CEBPZ: variants seen among roughly 807,000 people sequenced by gnomAD.
CEBPZ encodes the protein CCAAT enhancer binding protein zeta, also known as CCAAT/enhancer-binding protein zeta.
CEBPZ carries 78 observed loss-of-function variants against 104.5 expected under a neutral mutation model. The observed-to-expected ratio is 0.75, with a 90% CI of 0.62 to 0.90. The LOEUF (loss-of-function observed/expected upper bound fraction) is 0.90, where lower values mean the gene tolerates loss of function less well. CEBPZ is among the 40% of genes least tolerant of loss of function. The pLI is 0.00. For missense variants in CEBPZ, 1,439 were observed against 1,233.5 expected, an observed-to-expected ratio of 1.17 and a Z score of -2.50; for synonymous variants, 470 against 427.0, an observed-to-expected ratio of 1.10 and a Z score of -1.24.
intron 1 of CEBPZ, among the ~76,000 whole-genome samples, chr2:37,229,662 AT>A (rs1664985968): frequency 6.6e-6 from 1 of 152,172 alleles, no homozygotes; most frequent in Non-Finnish European, 1.5e-5. Context: ...AATCACAACT[AT>A]TTAATACAAG....
Position 37,201,636 on chromosome 2 carries a change from T to C in CEBPZ, c.*128A>G. The C allele has an allele frequency of 5.6e-6, 4 of 714,730 alleles. No homozygotes were observed. The South Asian group carries it at 6.5e-5, about 12-fold the overall frequency. 44.3% of individuals were successfully genotyped at this position (714,730 alleles called of 1,614,324 possible). A position where few individuals can be genotyped will look rare whatever the true frequency, so the allele number is the denominator to read the frequency against. On this transcript the variant is annotated 3_prime_UTR_variant, in exon 16 of 16. Coordinates refer to ENST00000234170, the MANE Select transcript of CEBPZ (RefSeq NM_005760.3). ...CTTTATAAATGAGAGCTATTTTTAT[T>C]TATAGTTTATTACAAATCCACTGAG...
At position 37,223,398 on chromosome 2, in the gene CEBPZ, C is replaced by T. The variant is rs1664813748; in HGVS notation, c.1653G>A (p.Lys551=). The part of the protein sequence containing the change: ...SDRYYTALYR[K]MLDPGLMTCS... ...ACGTCATCAACCCTGGATCCAACAT[C>T]TTCCTGCAAAACAAAACCAAGGTCA... Residue 551 remains lysine, a synonymous_variant, in exon 3 of 16, where the codon AAG becomes AAA. Transcript: ENST00000234170. 1 of 1,613,338 alleles carries T rather than the reference C, an allele frequency of 6.2e-7. No homozygotes were observed. The highest frequency in any genetic ancestry group is 8.5e-7 in the Non-Finnish European group (1 of 1,179,498).
chr2:37,201,817 A>G lies in CEBPZ; in HGVS notation c.3112T>C (p.Phe1038Leu), dbSNP rs568781872. The G allele has an allele frequency of 3.8e-6, 6 of 1,594,012 alleles. No homozygotes were observed. In the East Asian group the frequency reaches 8.9e-5, roughly 24 times the overall value. ...GTGGTTTTAATCCTCTTCTTTTTAAAATGTTTCTTTTTCTTGATGATACTT... is the reference window on the plus strand; with the variant it reads ...GTGGTTTTAATCCTCTTCTTTTTAAGATGTTTCTTTTTCTTGATGATACTT... The part of the protein sequence containing the change: ...AKSIIKKKKH[F>L]KKKRIKTTQK... The change falls in exon 16 of 16, where the codon TTT (phenylalanine) becomes CTT (leucine). Residue 1038 changes from phenylalanine to leucine, a missense_variant. Transcript: ENST00000234170.
intron 12 of CEBPZ, 53 bp downstream of exon 12, chr2:37,211,790 G>T: frequency 7.4e-7 from 1 of 1,349,508 alleles, no homozygotes. Context: ...ACAAACTTAA[G>T]GCTAAGGAAG....
At chr2:37,220,816 C>T (rs910045317) in intron 4 of CEBPZ, among the ~76,000 whole-genome samples, 1 of 151,862 alleles carries the variant, frequency 6.6e-6, no homozygotes, top group African/African-American at 2.4e-5. Context: ...AATGGTGAAA[C>T]CCCATCTCTT....
At chr2:37,207,191 A>G (rs1046835161) in intron 13 of CEBPZ, among the ~76,000 whole-genome samples, 4 of 152,214 alleles carry the variant, frequency 2.6e-5, no homozygotes, top group African/African-American at 9.6e-5. Flanking sequence ...ACAGATGGCA[A>G]CACAATAATA....
intron 2 of CEBPZ, among the ~76,000 whole-genome samples, chr2:37,226,792 TTGC>T (rs1487140523): frequency 6.6e-6 from 1 of 152,190 alleles, no homozygotes; most frequent in Non-Finnish European, 1.5e-5. Flanking sequence ...TTGAACACAG[TTGC>T]TATGTTCGAC....
chr2:37,227,126 G>A (rs1004269813), intron 2 of CEBPZ, among the ~76,000 whole-genome samples: 1 of 152,200 alleles, frequency 6.6e-6, no homozygotes, highest in African/African-American at 2.4e-5. Context: ...CTGTGTGAAT[G>A]CATTCAACTG....
chr2:37,213,853 A>G lies in CEBPZ; in HGVS notation c.2545+11T>C, dbSNP rs1286864591. 6.3e-7 allele frequency: 1 copy of G among 1,575,070 alleles called. No homozygotes were observed. The highest frequency in any genetic ancestry group is 2.3e-5 in the East Asian group (1 of 43,968). On this transcript the variant is annotated intron_variant, in intron 10 of 15. Transcript: ENST00000234170. Reference sequence around the variant, plus strand: ...TAGATTATTTTACAAAGAGTCAACAAAACAAATTACCAATCAGCTCTTCAA... The same window carrying G: ...TAGATTATTTTACAAAGAGTCAACAGAACAAATTACCAATCAGCTCTTCAA...
At chr2:37,227,350 G>C (rs892629633) in intron 2 of CEBPZ, among the ~76,000 whole-genome samples, 194 bp downstream of exon 2, 1 of 152,126 alleles carries the variant, frequency 6.6e-6, no homozygotes, top group African/African-American at 2.4e-5. Flanking sequence ...TGTATTCAAA[G>C]CATCTAATAT....
chr2:37,213,798 A>T, intron 10 of CEBPZ, 66 bp downstream of exon 10: 4 of 1,048,476 alleles, frequency 3.8e-6, no homozygotes, highest in Non-Finnish European at 4.2e-6. Context: ...TTCTCCCACT[A>T]ATGTTCCATG....
At chr2:37,220,121 A>G (rs1664733904) in intron 5 of CEBPZ, among the ~76,000 whole-genome samples, 1 of 151,956 alleles carries the variant, frequency 6.6e-6, no homozygotes, top group African/African-American at 2.4e-5. Flanking sequence ...GATCAAGACC[A>G]TCCTGGCCAA....
rs1665114643 is a variant in CEBPZ at position 37,231,572 on chromosome 2, G to A, written c.-5C>T. ...AGGCTCCTTGACTGCGGCCATGGCGGGCAAAGCATACGCGCGTGAAACTCA... is the reference window on the plus strand; with the variant it reads ...AGGCTCCTTGACTGCGGCCATGGCGAGCAAAGCATACGCGCGTGAAACTCA... On this transcript the variant is annotated 5_prime_UTR_variant, in exon 1 of 16. Transcript: ENST00000234170. 3 of 1,614,230 alleles carry A rather than the reference G, an allele frequency of 1.9e-6. No individual in the cohort carries two copies. Among genetic ancestry groups the A allele is most frequent in the Non-Finnish European group, 2.5e-6 (3 of 1,180,044 alleles).
At chr2:37,202,194 A>C in intron 15 of CEBPZ, 14 of 219,368 alleles carry the variant, frequency 6.4e-5, no homozygotes, top group Middle Eastern at 1.4e-3. Flanking sequence ...AATATGTAAA[A>C]ACGGCCCACT....
intron 2 of CEBPZ, among the ~76,000 whole-genome samples, chr2:37,225,068 A>T (rs201950945): frequency 2.6e-4 from 38 of 146,702 alleles, no homozygotes; most frequent in South Asian, 6.4e-4. Context: ...ACAAACAAAC[A>T]AACTAACAAA....
intron 2 of CEBPZ, among the ~76,000 whole-genome samples, chr2:37,226,679 G>A (rs1009201922): frequency 3.9e-5 from 6 of 152,058 alleles, no homozygotes; most frequent in Non-Finnish European, 7.4e-5. Context: ...AAACCCAGGC[G>A]GCGTGGCTTA....
Position 37,216,196 on chromosome 2 carries a change from C to T in CEBPZ, c.2324G>A (p.Ser775Asn). Residue 775 changes from serine (S) to asparagine (N), a missense_variant, in exon 8 of 16, where the codon AGT (serine) becomes AAT (asparagine). By Grantham distance (46) the Ser-to-Asn change is conservative (BLOSUM62 1). Transcript: ENST00000234170. ...KPHKGKENTD[S>N]VVMQPKRKHF... ...TTTTCTTTTCGGCTGCATCACAACACTATCTGTGTTTTCTGAAATGTAAAA... is the reference window on the plus strand; with the variant it reads ...TTTTCTTTTCGGCTGCATCACAACATTATCTGTGTTTTCTGAAATGTAAAA... 8 of 1,612,876 alleles carry T rather than the reference C, an allele frequency of 5.0e-6. No individual in the cohort carries two copies. Among genetic ancestry groups the T allele is most frequent in the Non-Finnish European group, 6.8e-6 (8 of 1,179,442 alleles).
intron 9 of CEBPZ, among the ~76,000 whole-genome samples, chr2:37,214,527 G>T (rs1422978916): frequency 6.6e-6 from 1 of 151,630 alleles, no homozygotes; most frequent in Non-Finnish European, 1.5e-5. Flanking sequence ...TATTATAAAA[G>T]GAAATTAAAG....
At position 37,202,879 on chromosome 2, in the gene CEBPZ, A is replaced by C. The variant is rs1420998342; in HGVS notation, c.2944-14T>G. The C allele has an allele frequency of 6.3e-7, 1 of 1,596,458 alleles. No homozygotes were observed. The highest frequency in any genetic ancestry group is 8.5e-7 in the Non-Finnish European group (1 of 1,171,256). On this transcript the variant is annotated splice_polypyrimidine_tract_variant and intron_variant, in intron 14 of 15. Transcript: ENST00000234170. ...TAGATGGCCAAACTTTTAAACAAAA[A>C]CGATAAATTTATTAGAAAACTAAAA... is the stretch of plus-strand genomic sequence containing the variant.
Sources: allele counts gnomAD v4.1 joint callset (sites outside exome capture counted in the v4.1 genomes callset), GRCh38; gene constraint gnomAD v4.1.1; transcripts MANE v1.5; gene names NCBI Gene and HGNC (gene_info 2026-07-23, HGNC 2026-07-21).